Variants in TMX2 observed in about 807,000 individuals in gnomAD.
TMX2 encodes the protein thioredoxin related transmembrane protein 2, also known as thioredoxin-related transmembrane protein 2.
TMX2 carries 20 observed loss-of-function variants against 33.4 expected under a neutral mutation model. That is an observed-to-expected ratio of 0.60 (90% CI 0.42 to 0.87). TMX2 has a LOEUF of 0.87. TMX2 is among the 40% of genes least tolerant of loss of function. The pLI is 0.00. For missense variants in TMX2, 340 were observed against 370.7 expected, an observed-to-expected ratio of 0.92 and a Z score of 0.68; for synonymous variants, 166 against 140.7, an observed-to-expected ratio of 1.18 and a Z score of -1.27.
intron 1 of TMX2, among the ~76,000 whole-genome samples, chr11:57,728,935 T>G (rs992813395): frequency 6.6e-6 from 1 of 151,972 alleles, no homozygotes; most frequent in East Asian, 1.9e-4. Context: ...GAAACACACA[T>G]GAGGGCTGAT....
In TMX2 at chr11:57,725,651, C is replaced by G. The variant is rs375263719; in HGVS notation, c.190-11957C>G. On this transcript the variant is annotated intron_variant, in intron 1 of 7. Coordinates refer to ENST00000278422, the MANE Select transcript of TMX2 (RefSeq NM_015959.4). ...ACTTGGGAGGCTGAGGCAGGAGAAT[C>G]GCTTGAACCCAGGAGGTGGAGGTTG... Among the ~76,000 whole-genome samples, 3 of 151,800 alleles carry G rather than the reference C, an allele frequency of 2.0e-5. No homozygotes were observed. In the East Asian group the frequency reaches 5.8e-4, roughly 29 times the overall value.
At chr11:57,717,748 G>GGAGAGGGGAGAGA (rs1947268683) in intron 1 of TMX2, among the ~76,000 whole-genome samples, 2 of 147,786 alleles carry the variant, frequency 1.4e-5, no homozygotes, top group Non-Finnish European at 3.0e-5. Flanking sequence ...AGGGGAGAGG[G>GGAGAGGGGAGAGA]GAGAGGGAGA....
At position 57,739,257 on chromosome 11, in the gene TMX2, T is replaced by C; in HGVS notation, c.741T>C (p.Ser247=). 6.2e-7 allele frequency: 1 copy of C among 1,614,102 alleles called. No homozygotes were observed. The highest frequency in any genetic ancestry group is 8.5e-7 in the Non-Finnish European group (1 of 1,180,014). The change falls in exon 7 of 8, where the codon TCT becomes TCC. Residue 247 remains serine (S), a synonymous_variant. Coordinates refer to ENST00000278422, the MANE Select transcript of TMX2 (RefSeq NM_015959.4). ...KKGRAVSWTF[S]EENVIREFNL... The stretch of plus-strand genomic sequence containing the variant: ...GACGGGCTGTCTCATGGACCTTCTC[T>C]GAGGTACCTGAAAGGAAGGGCAGGT...
At chr11:57,722,253 C>T (rs1947683420) in intron 1 of TMX2, among the ~76,000 whole-genome samples, 1 of 152,154 alleles carries the variant, frequency 6.6e-6, no homozygotes, top group Admixed American at 6.5e-5. Context: ...CCTCCCACCA[C>T]AGCCTCCCAA....
intron 1 of TMX2, among the ~76,000 whole-genome samples, chr11:57,735,013 C>T (rs1476858005): frequency 1.3e-5 from 2 of 151,286 alleles, no homozygotes; most frequent in African/African-American, 4.8e-5. Flanking sequence ...ACCTGTAGTC[C>T]CAGCTACTCG....
chr11:57,734,839 A>C (rs933213179), intron 1 of TMX2, among the ~76,000 whole-genome samples: 1 of 152,024 alleles, frequency 6.6e-6, no homozygotes, highest in African/African-American at 2.4e-5. Context: ...AGTTTCATTC[A>C]TGAAAATCTT....
At chr11:57,717,725 G>GGGAGAA (rs1947259191) in intron 1 of TMX2, among the ~76,000 whole-genome samples, 1 of 14,610 alleles carries the variant, frequency 6.8e-5, no homozygotes. Flanking sequence ...GAGAGGGAGA[G>GGGAGAA]GGGAGAGGGG....
Position 57,712,674 on chromosome 11 carries a change from G to A in TMX2, c.56G>A (p.Arg19Gln). 1 of 1,614,180 alleles carries A rather than the reference G, an allele frequency of 6.2e-7. No homozygotes were observed. The highest frequency in any genetic ancestry group is 8.5e-7 in the Non-Finnish European group (1 of 1,180,030). Residue 19 changes from arginine (R) to glutamine (Q), a missense_variant, in exon 1 of 8, where the codon CGA becomes CAA. Around this residue, in one of 3 missense-constraint regions of TMX2, gnomAD observed 106 missense variants for 82.7 expected, o/e 1.28. Transcript: ENST00000278422. ...GTGTATTCGGTGCCGCGACTTTCACGATGGCTCGCCCAACCTTACTACCTT... is the reference window on the plus strand; with the variant it reads ...GTGTATTCGGTGCCGCGACTTTCACAATGGCTCGCCCAACCTTACTACCTT... Reference protein sequence around the residue: ...ALVYSVPRLSRWLAQPYYLLS... With the variant: ...ALVYSVPRLSQWLAQPYYLLS...
At chr11:57,717,985 A>T in intron 1 of TMX2, 8 of 757,656 alleles carry the variant, frequency 1.1e-5, no homozygotes, top group African/African-American at 1.7e-5. Flanking sequence ...TGCTCTCCTG[A>T]GAGGAGAGCA....
At position 57,740,154 on chromosome 11, in the gene TMX2, T is replaced by C; in HGVS notation, c.800T>C (p.Leu267Pro). 1 of 1,613,944 alleles carries C rather than the reference T, an allele frequency of 6.2e-7. No homozygotes were observed. Among genetic ancestry groups the C allele is most frequent in the Non-Finnish European group, 8.5e-7 (1 of 1,179,876 alleles). ...GAGCTATACCAGCGGGCCAAGAAAC[T>C]ATCAAAGGCTGGAGACAATATCCCT... ...LNELYQRAKK[L>P]SKAGDNIPEE... Residue 267 changes from leucine (L) to proline (P), a missense_variant, in exon 8 of 8, where the codon CTA becomes CCA. Physicochemically the swap from Leu to Pro is moderately conservative, Grantham distance 98. Coordinates refer to ENST00000278422, the MANE Select transcript of TMX2 (RefSeq NM_015959.4).
chr11:57,724,417 A>C (rs1425671961), intron 1 of TMX2, among the ~76,000 whole-genome samples: 1 of 152,108 alleles, frequency 6.6e-6, no homozygotes, highest in African/African-American at 2.4e-5. Context: ...CCTCCCACCA[A>C]ATATGTCTAT....
chr11:57,716,861 C>T (rs936039317), intron 1 of TMX2, among the ~76,000 whole-genome samples: 3 of 151,232 alleles, frequency 2.0e-5, no homozygotes, highest in African/African-American at 7.3e-5. Flanking sequence ...CACCTCCCTC[C>T]TGGACGGGGC....
At position 57,738,431 on chromosome 11, in the gene TMX2, G is replaced by A; in HGVS notation, c.441+1G>A. On this transcript the variant is annotated splice_donor_variant, in intron 4 of 7. Coordinates refer to ENST00000278422, the MANE Select transcript of TMX2 (RefSeq NM_015959.4). LOFTEE classifies it high-confidence loss of function. ...GTACTTCAATGATAAAACCATTGATGTGAGTGCTCTTTCCCCTTTCTGTTT... is the reference window on the plus strand; with the variant it reads ...GTACTTCAATGATAAAACCATTGATATGAGTGCTCTTTCCCCTTTCTGTTT... 7 of 1,607,394 alleles carry A rather than the reference G, an allele frequency of 4.4e-6. No individual in the cohort carries two copies. Among genetic ancestry groups the A allele is most frequent in the Non-Finnish European group, 4.3e-6 (5 of 1,174,090 alleles).
chr11:57,736,868 G>A (rs1948782182), intron 1 of TMX2, among the ~76,000 whole-genome samples: 1 of 148,494 alleles, frequency 6.7e-6, no homozygotes, highest in Admixed American at 6.7e-5. Context: ...CCTGGGCGAT[G>A]GAGCAAGACT....
chr11:57,722,830 G>A (rs1947725252), intron 1 of TMX2, among the ~76,000 whole-genome samples: 1 of 152,020 alleles, frequency 6.6e-6, no homozygotes, highest in Non-Finnish European at 1.5e-5. Context: ...AAATTTTATT[G>A]GCTGGGGTGC....
intron 1 of TMX2, among the ~76,000 whole-genome samples, chr11:57,729,016 C>G (rs1948180362): frequency 6.6e-6 from 1 of 152,098 alleles, no homozygotes; most frequent in African/African-American, 2.4e-5. Flanking sequence ...GCAGAAACGA[C>G]TCAGTGGTGA....
At chr11:57,719,201 A>G (rs1947401167) in intron 1 of TMX2, among the ~76,000 whole-genome samples, 1 of 149,488 alleles carries the variant, frequency 6.7e-6, no homozygotes, top group Admixed American at 6.7e-5. Context: ...ACGCCCGGCT[A>G]ATTTTTTGTA....
chr11:57,723,996 T>TA, intron 1 of TMX2, among the ~76,000 whole-genome samples: 1 of 151,578 alleles, frequency 6.6e-6, no homozygotes, highest in East Asian at 1.9e-4. Context: ...ACCAAGTAAC[T>TA]ATTTAAAACC....
rs1947179556 is a variant in TMX2 at position 57,717,254 on chromosome 11, G to A, written c.189+4447G>A. ...AGGCAGAGGGGCTCTTCACGTCCCA[G>A]ACGATGGGCGGCCAGGCAGAGACGC... On this transcript the variant is annotated intron_variant, in intron 1 of 7. Coordinates refer to ENST00000278422, the MANE Select transcript of TMX2 (RefSeq NM_015959.4). 3.3e-5 allele frequency among the ~76,000 whole-genome samples: 5 copies of A among 151,244 alleles called. No homozygotes were observed. In the South Asian group the frequency reaches 1.1e-3, roughly 32 times the overall value.
Sources: allele counts gnomAD v4.1 joint callset (sites outside exome capture counted in the v4.1 genomes callset), GRCh38; gene constraint gnomAD v4.1.1; regional missense constraint gnomAD v4.1.1; transcripts MANE v1.5; gene names NCBI Gene and HGNC (gene_info 2026-07-23, HGNC 2026-07-21).